Variants in SPMIP10 observed in about 807,000 individuals in gnomAD.
The protein encoded by SPMIP10 is sperm microtubule inner protein 10, also known as sperm-associated microtubule inner protein 10.
At chr5:126,634,393 C>T in the SPMIP10 span, among the ~76,000 whole-genome samples, 1 of 152,178 alleles carries the variant, frequency 6.6e-6, no homozygotes, top group Non-Finnish European at 1.5e-5. Flanking sequence ...CACGCCACTG[C>T]ACTCCAGCCT....
chr5:126,633,008 C>CATATACATATATATATATATATAT, the SPMIP10 span, among the ~76,000 whole-genome samples: 49 of 125,318 alleles, frequency 3.9e-4, no homozygotes, highest in South Asian at 4.3e-3. Flanking sequence ...ATAAATTTTA[C>CATATACATATATATATATATATAT]ATATATATAT....
At chr5:126,632,106 A>G in the SPMIP10 span, among the ~76,000 whole-genome samples, 3 of 151,674 alleles carry the variant, frequency 2.0e-5, no homozygotes, top group East Asian at 5.8e-4. Flanking sequence ...CCTTAAAGTC[A>G]AGTTAAAATG....
chr5:126,634,181 T>C, the SPMIP10 span, among the ~76,000 whole-genome samples: 1 of 152,170 alleles, frequency 6.6e-6, no homozygotes, highest in Non-Finnish European at 1.5e-5. Context: ...CCTGTGATCC[T>C]AGCACTTTGG....
At chr5:126,632,394 G>T in the SPMIP10 span, 1 of 542,126 alleles carries the variant, frequency 1.8e-6, no homozygotes. Flanking sequence ...TACTTAAATG[G>T]TTATCTTTTA....
chr5:126,636,072 A>G, the SPMIP10 span: 1 of 1,613,870 alleles, frequency 6.2e-7, no homozygotes, highest in East Asian at 2.2e-5. Flanking sequence ...CCTTTAGAAG[A>G]CTCTCTGTTT....
the SPMIP10 span, chr5:126,635,968 C>G: frequency 2.9e-6 from 4 of 1,393,488 alleles, no homozygotes; most frequent in South Asian, 2.4e-5. Context: ...GATGAAACTT[C>G]CTTCTTAATC....
the SPMIP10 span, chr5:126,636,080 T>C: frequency 3.1e-6 from 5 of 1,613,946 alleles, no homozygotes; most frequent in African/African-American, 6.7e-5. Context: ...AGACTCTCTG[T>C]TTTTGAATCA....
At chr5:126,632,505 A>T in the SPMIP10 span, 2 of 1,124,046 alleles carry the variant, frequency 1.8e-6, no homozygotes, top group South Asian at 2.5e-5. Context: ...AAATGATTGT[A>T]TTTGGCTCAC....
the SPMIP10 span, among the ~76,000 whole-genome samples, chr5:126,633,725 A>G: frequency 6.6e-6 from 1 of 152,164 alleles, no homozygotes; most frequent in Non-Finnish European, 1.5e-5. Context: ...CAATGATGCA[A>G]TCATGGCTCA....
At chr5:126,633,348 TTTTA>T in the SPMIP10 span, among the ~76,000 whole-genome samples, 2 of 151,946 alleles carry the variant, frequency 1.3e-5, no homozygotes, top group African/African-American at 2.4e-5. Flanking sequence ...CAGTCAGCAG[TTTTA>T]TTTATTTATT....
At chr5:126,632,759 G>A in the SPMIP10 span, 32 of 667,628 alleles carry the variant, frequency 4.8e-5, no homozygotes, top group East Asian at 4.6e-4. Flanking sequence ...AGACCGAGGC[G>A]GGTGGATCAC....
the SPMIP10 span, chr5:126,636,246 A>C: frequency 5.6e-6 from 9 of 1,604,676 alleles, no homozygotes; most frequent in Non-Finnish European, 7.7e-6. Flanking sequence ...GTCTAATGAA[A>C]GAAGAATAAA....
the SPMIP10 span, among the ~76,000 whole-genome samples, chr5:126,635,379 G>A: frequency 6.6e-6 from 1 of 151,934 alleles, no homozygotes; most frequent in South Asian, 2.1e-4. Context: ...CTTTGTAGTT[G>A]GCAAAGCTTT....
chr5:126,633,944 C>T, the SPMIP10 span, among the ~76,000 whole-genome samples: 1 of 152,098 alleles, frequency 6.6e-6, no homozygotes, highest in Non-Finnish European at 1.5e-5. Context: ...CAGGCATGAA[C>T]CACTGTACCC....
chr5:126,631,823 A>G, the SPMIP10 span: 1 of 1,588,254 alleles, frequency 6.3e-7, no homozygotes. Context: ...GCTAATAAGT[A>G]AGGATTTATG....
chr5:126,632,855 C>T, the SPMIP10 span, among the ~76,000 whole-genome samples: 6 of 151,506 alleles, frequency 4.0e-5, no homozygotes, highest in South Asian at 2.1e-4. Flanking sequence ...GGCATGGTGG[C>T]GGGCAGTTGT....
the SPMIP10 span, among the ~76,000 whole-genome samples, chr5:126,633,898 A>C: frequency 6.6e-6 from 1 of 151,924 alleles, no homozygotes; most frequent in Non-Finnish European, 1.5e-5. Flanking sequence ...GGCCCAAGCG[A>C]TTCTCCTGCC....
chr5:126,633,791 G>A, the SPMIP10 span, among the ~76,000 whole-genome samples: 1 of 152,056 alleles, frequency 6.6e-6, no homozygotes, highest in Non-Finnish European at 1.5e-5. Context: ...AGCCTCCTGA[G>A]CAGCTGGGAC....
At chr5:126,633,090 G>T in the SPMIP10 span, among the ~76,000 whole-genome samples, 4 of 148,450 alleles carry the variant, frequency 2.7e-5, no homozygotes, top group East Asian at 7.7e-4. Flanking sequence ...TTGATGTACT[G>T]TCACAAACTT....
Sources: allele counts gnomAD v4.1 joint callset (sites outside exome capture counted in the v4.1 genomes callset), GRCh38; gene constraint gnomAD v4.1.1; transcripts MANE v1.5; gene names NCBI Gene and HGNC (gene_info 2026-07-23, HGNC 2026-07-21).